SGK2: variants seen among roughly 807,000 people sequenced by gnomAD.
SGK2 encodes serine/threonine-protein kinase Sgk2.
SGK2 carries 36 observed loss-of-function variants against 47.5 expected under a neutral mutation model. That is an observed-to-expected ratio of 0.76 (90% CI 0.58 to 1.00). The LOEUF is 1.00. Ranked by LOEUF, SGK2 falls within the 50% of genes least tolerant of loss-of-function variation. SGK2 has a pLI of 0.00. For synonymous variants in SGK2, 157 were observed against 181.9 expected (o/e 0.86, Z 1.10); for missense variants, 404 against 467.4 (o/e 0.86, Z 1.25).
At chr20:43,568,173 C>A (rs1273356720) in intron 5 of SGK2, among the ~76,000 whole-genome samples, 174 bp downstream of exon 5, 1 of 152,170 alleles carries the variant, frequency 6.6e-6, no homozygotes, top group Non-Finnish European at 1.5e-5. Context: ...TCAAAGAAAG[C>A]AGGCCAAGCC....
chr20:43,574,828 C>G, intron 9 of SGK2, 81 bp from the exon 10 acceptor site: 1 of 989,326 alleles, frequency 1.0e-6, no homozygotes, highest in Non-Finnish European at 1.6e-6. Flanking sequence ...TCTTGGTCAT[C>G]TTCCTCCAAG....
chr20:43,581,592 G>A (rs893869020), intron 12 of SGK2, among the ~76,000 whole-genome samples: 63 of 151,894 alleles, frequency 4.1e-4, no homozygotes, highest in African/African-American at 1.5e-3. Context: ...TCGTTCGATC[G>A]CCCATGTTGG....
Position 43,560,137 on chromosome 20 carries a change from C to T in SGK2, c.-24+978C>T, listed in dbSNP as rs79181217. ...GGGCATGCCAGGTTCCCACCAGGAA[C>T]TCAGTACTTGAATATTAACTCAACA... On this transcript the variant is annotated intron_variant, in intron 1 of 12. Coordinates refer to ENST00000373100, the MANE Select transcript of SGK2 (RefSeq NM_170693.3). Among the ~76,000 whole-genome samples the T allele has an allele frequency of 1.1e-4, 16 of 152,238 alleles. No homozygotes were observed. In the East Asian group the frequency reaches 2.9e-3, roughly 28 times the overall value.
chr20:43,581,439 T>G (rs1224869902), intron 12 of SGK2, among the ~76,000 whole-genome samples: 1 of 152,252 alleles, frequency 6.6e-6, no homozygotes, highest in Non-Finnish European at 1.5e-5. Flanking sequence ...GATGTGCTGA[T>G]GAACAGCTTT....
At chr20:43,566,657 C>T in intron 2 of SGK2, 126 bp downstream of exon 2, 1 of 649,398 alleles carries the variant, frequency 1.5e-6, no homozygotes, top group Non-Finnish European at 2.7e-6. Context: ...AAATGAGCCA[C>T]TTGCAGGGTG....
At chr20:43,566,132 C>T (rs1979692078) in intron 1 of SGK2, 3 of 535,214 alleles carry the variant, frequency 5.6e-6, no homozygotes, top group Admixed American at 6.4e-5. Context: ...AAGATCCTTC[C>T]AGCCCTGGCC....
In SGK2 at chr20:43,585,049, C is replaced by A; in HGVS notation, c.*33C>A. On this transcript the variant is annotated 3_prime_UTR_variant, in exon 13 of 13. Transcript: ENST00000373100. The stretch of plus-strand genomic sequence containing the variant: ...GGACCTGTGAAACTACTGAGGCCAG[C>A]TGGTATTAGTAAGGAATTACCTTCA... 6.3e-7 allele frequency: 1 copy of A among 1,593,124 alleles called. No individual in the cohort carries two copies. Among genetic ancestry groups the A allele is most frequent in the Non-Finnish European group, 8.6e-7 (1 of 1,166,260 alleles).
At position 43,572,132 on chromosome 20, in the gene SGK2, C is replaced by G; in HGVS notation, c.592C>G (p.Pro198Ala). 1 of 1,547,228 alleles carries G rather than the reference C, an allele frequency of 6.5e-7. No individual in the cohort carries two copies. Among genetic ancestry groups the G allele is most frequent in the Non-Finnish European group, 8.7e-7 (1 of 1,143,274 alleles). ...EDTTSTFCGT[P>A]EYLAPEVLRK... ...CACCACATCCACATTCTGTGGTACC[C>G]CTGAGGTAAGCGTAAACATCCCAGG... is the stretch of plus-strand genomic sequence containing the variant. The change falls in exon 9 of 13, where the codon CCT (proline) becomes GCT (alanine). Residue 198 changes from proline to alanine, a missense_variant. Coordinates refer to ENST00000373100, the MANE Select transcript of SGK2 (RefSeq NM_170693.3). The surrounding 1 kb of genome is among the most constrained non-coding windows in gnomAD (Gnocchi z 4.2).
At position 43,576,303 on chromosome 20, in the gene SGK2, C is replaced by G. The variant is rs1980460033; in HGVS notation, c.773C>G (p.Thr258Arg). ...HQPLQIPGGR[T>R]VAACDLLQSL... is the part of the protein sequence containing the mutation. The stretch of plus-strand genomic sequence containing the variant: ...CCGCTACAGATCCCCGGAGGCCGGA[C>G]AGTGGCCGCCTGTGACCTCCTGCAA... The change falls in exon 11 of 13, where the codon ACA (threonine) becomes AGA (arginine). Residue 258 changes from threonine (T) to arginine (R), a missense_variant. Physicochemically the swap from Thr to Arg is moderately conservative, Grantham distance 71. Transcript: ENST00000373100. The G allele has an allele frequency of 6.2e-7, 1 of 1,614,130 alleles. No individual in the cohort carries two copies. The highest frequency in any genetic ancestry group is 1.7e-5 in the Admixed American group (1 of 60,018).
intron 4 of SGK2, 66 bp from the exon 5 acceptor site, chr20:43,567,850 G>A (rs1979831749): frequency 3.9e-6 from 6 of 1,555,162 alleles, no homozygotes; most frequent in Non-Finnish European, 5.3e-6. Context: ...GCAGGCGGGA[G>A]GCCTTGTACT....
intron 6 of SGK2, among the ~76,000 whole-genome samples, chr20:43,570,061 A>G (rs1387289715): frequency 1.3e-5 from 2 of 152,162 alleles, no homozygotes; most frequent in East Asian, 3.8e-4. Flanking sequence ...TGATGCTAAG[A>G]GGGGGGTTTT....
chr20:43,576,412 A>G lies in SGK2; in HGVS notation c.849+33A>G, dbSNP rs199747120. On this transcript the variant is annotated intron_variant, in intron 11 of 12. Coordinates refer to ENST00000373100, the MANE Select transcript of SGK2 (RefSeq NM_170693.3). ...ACCTACCAGTGGAGCACTGGCCCCC[A>G]TGGGGCTCGCAGCTTCCTGCAGAGG... is the stretch of plus-strand genomic sequence containing the variant. 259 of 1,602,510 alleles carry G rather than the reference A, an allele frequency of 1.6e-4. 1 individual carries two copies. In the African/African-American group the frequency reaches 3.1e-3, roughly 19 times the overall value.
intron 12 of SGK2, among the ~76,000 whole-genome samples, chr20:43,584,284 T>C (rs1980972910): frequency 6.6e-6 from 1 of 152,156 alleles, no homozygotes; most frequent in Non-Finnish European, 1.5e-5. Context: ...TAATGTCCCA[T>C]TGGCCTAACC....
At chr20:43,571,160 A>T (rs1980104953) in intron 8 of SGK2, 100 bp downstream of exon 8, 8 of 1,566,328 alleles carry the variant, frequency 5.1e-6, no homozygotes, top group Admixed American at 3.4e-5. Flanking sequence ...GTGTGCATGC[A>T]TTGTACATGT....
intron 12 of SGK2, chr20:43,583,402 T>C (rs1980914764): frequency 1.6e-6 from 2 of 1,222,948 alleles, no homozygotes; most frequent in Non-Finnish European, 2.1e-6. Flanking sequence ...CATTTTCTTC[T>C]ACAGTCACAC....
chr20:43,562,605 G>C (rs1600983531), intron 1 of SGK2, among the ~76,000 whole-genome samples: 1 of 151,484 alleles, frequency 6.6e-6, no homozygotes, highest in Non-Finnish European at 1.5e-5. Context: ...GCCAGGCGCA[G>C]TGGCGGGTGC....
At chr20:43,583,953 A>C (rs532012777) in intron 12 of SGK2, among the ~76,000 whole-genome samples, 37 of 152,218 alleles carry the variant, frequency 2.4e-4, no homozygotes, top group Admixed American at 1.1e-3. Context: ...TGGGCAAAAA[A>C]GACCTTGTCT....
chr20:43,567,781 C>G, intron 4 of SGK2, 59 bp downstream of exon 4: 2 of 1,579,632 alleles, frequency 1.3e-6, no homozygotes, highest in South Asian at 1.1e-5. Context: ...CTCTTCCAGC[C>G]CCTGCTGCCA....
In SGK2 at chr20:43,571,064, G is replaced by GGTGT. The variant is rs11467250; in HGVS notation, c.510+39_510+42dup. 1,899 of 1,565,716 alleles carry GGTGT rather than the reference G, an allele frequency of 1.2e-3. 6 individuals are homozygous for GGTGT. The African/African-American group carries it at 0.015, about 12-fold the overall frequency. On this transcript the variant is annotated splice_donor_region_variant and intron_variant, in intron 8 of 12. Coordinates refer to ENST00000373100, the MANE Select transcript of SGK2 (RefSeq NM_170693.3). ...GAACATTCTCTTGGACTGCCAGGTT[G>GGTGT]GTGTGTGTGTGTGTGTGTGTGTGTG...
Sources: gnomAD v4.1 joint callset for allele counts (sites outside exome capture counted in the v4.1 genomes callset) on GRCh38, gnomAD v4.1.1 for gene constraint, Gnocchi (gnomAD v3.1) non-coding constraint, MANE v1.5 for transcripts, NCBI Gene and HGNC (gene_info 2026-07-23, HGNC 2026-07-21) for gene names.